GCNT2: variants seen among roughly 807,000 people sequenced by gnomAD.
GCNT2 encodes glucosaminyl (N-acetyl) transferase 2 (I blood group), also known as N-acetyllactosaminide beta-1,6-N-acetylglucosaminyl-transferase.
In GCNT2, 34 loss-of-function variants were observed where a neutral mutation model predicts 34.2. That is an observed-to-expected ratio of 1.00 (90% CI 0.76 to 1.32). The LOEUF (loss-of-function observed/expected upper bound fraction) is 1.32, where lower values mean the gene tolerates loss of function less well. GCNT2 is among the 40% of genes most tolerant of loss of function. The probability of loss-of-function intolerance (pLI) is 0.00; values close to 1 mark genes in which losing one functional copy is unlikely to be tolerated. For synonymous variants in GCNT2, 212 were observed against 188.0 expected (o/e 1.13, Z -1.04); for missense variants, 584 against 489.4 (o/e 1.19, Z -1.82).
intron 3 of GCNT2, among the ~76,000 whole-genome samples, chr6:10,563,773 A>ATAT (rs1371835390): frequency 6.6e-3 from 269 of 40,956 alleles, no homozygotes; most frequent in Admixed American, 0.011. Context: ...AAAAAAAAAA[A>ATAT]AAAAATATAT....
chr6:10,532,640 T>C (rs1456610442), intron 3 of GCNT2, among the ~76,000 whole-genome samples: 1 of 152,060 alleles, frequency 6.6e-6, no homozygotes, highest in Admixed American at 6.5e-5. Context: ...CCTGGCTAAC[T>C]TTAACTTTTG....
intron 3 of GCNT2, among the ~76,000 whole-genome samples, chr6:10,617,597 T>C (rs1441173028): frequency 6.6e-6 from 1 of 152,204 alleles, no homozygotes; most frequent in Non-Finnish European, 1.5e-5. Context: ...CGTAACCATC[T>C]GGGAATGCGG....
intron 3 of GCNT2, among the ~76,000 whole-genome samples, chr6:10,611,386 A>G (rs550201665): frequency 6.8e-6 from 1 of 147,678 alleles, no homozygotes; most frequent in Non-Finnish European, 1.5e-5. Flanking sequence ...GCTGGAGTGC[A>G]GTGACGCGAT....
At chr6:10,561,588 T>C (rs905830947) in intron 3 of GCNT2, among the ~76,000 whole-genome samples, 2 of 152,230 alleles carry the variant, frequency 1.3e-5, no homozygotes, top group South Asian at 4.1e-4. Context: ...TTCTTCCCAG[T>C]CCATTCCCAT....
At chr6:10,532,658 G>T (rs1229938747) in intron 3 of GCNT2, among the ~76,000 whole-genome samples, 1 of 152,050 alleles carries the variant, frequency 6.6e-6, no homozygotes, top group Non-Finnish European at 1.5e-5. Context: ...TTGTAGAGAC[G>T]AGGTCCTGCT....
At chr6:10,605,090 G>A (rs957237599) in intron 3 of GCNT2, among the ~76,000 whole-genome samples, 1 of 151,670 alleles carries the variant, frequency 6.6e-6, no homozygotes, top group Non-Finnish European at 1.5e-5. Context: ...AGGCTGCAGT[G>A]ATCCATGATT....
At chr6:10,611,967 GT>G (rs1423016873) in intron 3 of GCNT2, among the ~76,000 whole-genome samples, 1 of 151,646 alleles carries the variant, frequency 6.6e-6, no homozygotes, top group Admixed American at 6.6e-5. Flanking sequence ...ATATTCTGGT[GT>G]TTTTGTGGGG....
At chr6:10,550,775 A>G (rs1009138147) in intron 3 of GCNT2, among the ~76,000 whole-genome samples, 4 of 152,138 alleles carry the variant, frequency 2.6e-5, no homozygotes, top group African/African-American at 7.2e-5. Context: ...GAGCCACCAC[A>G]CTTGTCAGAA....
At chr6:10,528,099 G>A (rs536511380) in intron 2 of GCNT2, among the ~76,000 whole-genome samples, 2 of 152,256 alleles carry the variant, frequency 1.3e-5, no homozygotes, top group Admixed American at 6.5e-5. Context: ...AAAAAAAGAA[G>A]TTAGCCTTTA....
At chr6:10,578,556 C>T (rs972417947) in intron 3 of GCNT2, among the ~76,000 whole-genome samples, 2 of 147,542 alleles carry the variant, frequency 1.4e-5, no homozygotes, top group African/African-American at 5.0e-5. Context: ...ATGCCATTCT[C>T]CTGCCTCAGC....
chr6:10,574,712 A>C, intron 3 of GCNT2: 1 of 432,190 alleles, frequency 2.3e-6, no homozygotes, highest in Non-Finnish European at 4.4e-6. Context: ...TTTGTTTTAC[A>C]GTCTAGAGGT....
chr6:10,557,149 G>T (rs372757154), intron 3 of GCNT2: 1 of 1,550,334 alleles, frequency 6.5e-7, no homozygotes, highest in African/African-American at 1.4e-5. Flanking sequence ...TTTCCTATGT[G>T]ATAAGAACAA....
intron 3 of GCNT2, among the ~76,000 whole-genome samples, chr6:10,590,747 T>G (rs536125088): frequency 6.6e-6 from 1 of 152,202 alleles, no homozygotes; most frequent in East Asian, 1.9e-4. Flanking sequence ...AGAGACATGG[T>G]TTCACCATGT....
At chr6:10,580,914 T>G (rs1764043662) in intron 3 of GCNT2, among the ~76,000 whole-genome samples, 1 of 152,218 alleles carries the variant, frequency 6.6e-6, no homozygotes, top group Non-Finnish European at 1.5e-5. Context: ...TTGTGCTGTC[T>G]TCTTGTTTGT....
At chr6:10,613,543 G>A (rs1027521998) in intron 3 of GCNT2, among the ~76,000 whole-genome samples, 1 of 152,020 alleles carries the variant, frequency 6.6e-6, no homozygotes, top group Non-Finnish European at 1.5e-5. Context: ...TAATAGAATC[G>A]AGTCCAGTAT....
At chr6:10,545,118 G>T (rs1267894584) in intron 3 of GCNT2, among the ~76,000 whole-genome samples, 1 of 152,020 alleles carries the variant, frequency 6.6e-6, no homozygotes, top group Non-Finnish European at 1.5e-5. Flanking sequence ...AGTGGGTACA[G>T]CCCCCCAGCC....
chr6:10,619,095 C>T (rs1390323189), intron 3 of GCNT2: 1 of 152,222 alleles, frequency 6.6e-6, no homozygotes, highest in East Asian at 1.9e-4. Context: ...TTTTAAAAGC[C>T]TAATTCAATT....
Position 10,529,342 on chromosome 6 carries a change from T to G in GCNT2, c.431T>G (p.Leu144Arg), listed in dbSNP as rs1761360550. ...TTTAAAGGTGCAGTGAAACAGTTAC[T>G]CAGCTGCTTCCCAAATGCTTTTCTG... ...DAFKGAVKQL[L>R]SCFPNAFLAS... Residue 144 changes from leucine (L) to arginine (R), a missense_variant, in exon 3 of 5, where the codon CTC (leucine) becomes CGC (arginine). Coordinates refer to ENST00000495262, the MANE Select transcript of GCNT2 (RefSeq NM_145649.5). The G allele has an allele frequency of 6.2e-7, 1 of 1,613,888 alleles. No homozygotes were observed. The highest frequency in any genetic ancestry group is 1.1e-5 in the South Asian group (1 of 91,076).
chr6:10,529,633 A>T lies in GCNT2; in HGVS notation c.722A>T (p.Asn241Ile), dbSNP rs2113511311. The T allele has an allele frequency of 6.2e-7, 1 of 1,614,140 alleles. No homozygotes were observed. The highest frequency in any genetic ancestry group is 2.2e-5 in the East Asian group (1 of 44,884). ...CACCAAGAACTGTTAAACCACAAAA[A>T]TTCCTACGTGATTAAAACAACAAAA... Reference protein sequence around the residue: ...YVHQELLNHKNSYVIKTTKLK... With the variant: ...YVHQELLNHKISYVIKTTKLK... Residue 241 changes from asparagine to isoleucine, a missense_variant, in exon 3 of 5, where the codon AAT (asparagine) becomes ATT (isoleucine). By Grantham distance (149) the Asn-to-Ile change is moderately radical (BLOSUM62 -3). Coordinates refer to ENST00000495262, the MANE Select transcript of GCNT2 (RefSeq NM_145649.5).
Sources: allele counts gnomAD v4.1 joint callset (sites outside exome capture counted in the v4.1 genomes callset), GRCh38; gene constraint gnomAD v4.1.1; transcripts MANE v1.5; gene names NCBI Gene and HGNC (gene_info 2026-07-23, HGNC 2026-07-21).